VSIG1: variants seen among roughly 807,000 people sequenced by gnomAD.
The protein encoded by VSIG1 is V-set and immunoglobulin domain containing 1.
VSIG1 carries 11 observed loss-of-function variants against 20.1 expected under a neutral mutation model. The observed-to-expected ratio is 0.55, with a 90% CI of 0.34 to 0.91. The LOEUF is 0.91. VSIG1 is among the 40% of genes least tolerant of loss of function. The pLI is 0.02. For synonymous variants in VSIG1, 126 were observed against 116.7 expected, an observed-to-expected ratio of 1.08 and a Z score of -0.52; for missense variants, 283 against 298.8, an observed-to-expected ratio of 0.95 and a Z score of 0.39.
intron 2 of VSIG1, among the ~76,000 whole-genome samples, chrX:108,066,274 G>A (rs1284144626): frequency 9.0e-6 from 1 of 111,705 alleles, no homozygotes; most frequent in Non-Finnish European, 1.9e-5. Context: ...TGGGGAGAAA[G>A]ATGGTAGCTA....
intron 3 of VSIG1, among the ~76,000 whole-genome samples, chrX:108,071,336 G>A (rs2031236594): frequency 9.0e-6 from 1 of 111,384 alleles, no homozygotes. Flanking sequence ...ATATAAGATA[G>A]ATATATAAGG....
intron 1 of VSIG1, among the ~76,000 whole-genome samples, chrX:108,047,925 T>TATATATACACACACAC (rs1569287306): frequency 3.1e-5 from 2 of 64,790 alleles, no homozygotes; most frequent in Non-Finnish European, 5.3e-5. Flanking sequence ...TATACACATA[T>TATATATACACACACAC]ATATATATAC....
chrX:108,029,152 A>G, the VSIG1 span, among the ~76,000 whole-genome samples: 2 of 112,414 alleles, frequency 1.8e-5, no homozygotes, highest in Non-Finnish European at 3.8e-5. Flanking sequence ...CCAACATTTC[A>G]TGGGACATAC....
Position 108,077,289 on chromosome X carries a change from T to G in VSIG1, c.1072T>G (p.Leu358Val). 1 of 1,211,543 alleles carries G rather than the reference T, an allele frequency of 8.3e-7. No homozygotes were observed. Among genetic ancestry groups the G allele is most frequent in the Non-Finnish European group, 1.1e-6 (1 of 895,494 alleles). ...GCTGGAGCCAGAAACGCAGTCGGAA[T>G]TGGAGCCAGAGCCAGAGCCAGAGCC... ...LELEPETQSE[L>V]EPEPEPEPES... Residue 358 changes from leucine (L) to valine (V), a missense_variant, in exon 7 of 7, where the codon TTG becomes GTG. Leu to Val is a conservative substitution (Grantham distance 32). Coordinates refer to ENST00000217957, the MANE Select transcript of VSIG1 (RefSeq NM_182607.5).
chrX:108,058,519 C>T (rs906280362), intron 2 of VSIG1, among the ~76,000 whole-genome samples: 3 of 111,923 alleles, frequency 2.7e-5, no homozygotes, highest in African/African-American at 9.7e-5. Context: ...AGGGCTCCCC[C>T]TCCACCTTTA....
intron 1 of VSIG1, among the ~76,000 whole-genome samples, chrX:108,054,121 C>G (rs2030843983): frequency 9.0e-6 from 1 of 111,640 alleles, no homozygotes; most frequent in Admixed American, 9.5e-5. Context: ...GGAGAAGCTT[C>G]ATTAATATCT....
intron 1 of VSIG1, among the ~76,000 whole-genome samples, chrX:108,047,917 T>TACAC (rs386417380): frequency 2.4e-4 from 13 of 53,835 alleles, no homozygotes; most frequent in Non-Finnish European, 3.7e-4. Flanking sequence ...CATATATATA[T>TACAC]ACACATATAT....
chrX:108,025,153 T>C, the VSIG1 span, among the ~76,000 whole-genome samples: 2 of 112,071 alleles, frequency 1.8e-5, no homozygotes, highest in African/African-American at 6.5e-5. Context: ...TTTATGTTTA[T>C]AATTGTTATA....
intron 1 of VSIG1, among the ~76,000 whole-genome samples, chrX:108,047,895 T>TATATATATACACACAC (rs1569287227): frequency 4.4e-5 from 2 of 45,672 alleles, no homozygotes; most frequent in Non-Finnish European, 6.4e-5. Context: ...TACACACATA[T>TATATATATACACACAC]ATATATATAC....
the VSIG1 span, among the ~76,000 whole-genome samples, chrX:108,023,383 A>G: frequency 2.7e-5 from 3 of 112,018 alleles, no homozygotes; most frequent in African/African-American, 9.7e-5. Context: ...TTTTGTGTCT[A>G]TATTCATAAG....
intron 1 of VSIG1, among the ~76,000 whole-genome samples, chrX:108,055,258 T>C (rs2030871372): frequency 9.0e-6 from 1 of 111,667 alleles, no homozygotes; most frequent in South Asian, 3.7e-4. Context: ...ACTCACCCAA[T>C]ATGAAATGGA....
the VSIG1 span, among the ~76,000 whole-genome samples, chrX:108,031,261 A>G: frequency 1.8e-5 from 2 of 112,352 alleles, no homozygotes; most frequent in Non-Finnish European, 1.9e-5. Flanking sequence ...CAGGGTAGAA[A>G]CAGAGGCAAA....
At chrX:108,073,988 A>G (rs2031303592) in intron 5 of VSIG1, 1 of 111,400 alleles carries the variant, frequency 9.0e-6, no homozygotes, top group East Asian at 2.8e-4. Context: ...TCTAAACCTC[A>G]ATTTTCCTAT....
chrX:108,076,131 C>T lies in VSIG1; in HGVS notation c.743C>T (p.Ala248Val), dbSNP rs1404385732. 4.1e-6 allele frequency: 5 copies of T among 1,209,764 alleles called. No individual in the cohort carries two copies. The highest frequency in any genetic ancestry group is 5.6e-6 in the Non-Finnish European group (5 of 894,989). The change falls in exon 6 of 7, where the codon GCC becomes GTC. Residue 248 changes from alanine (A) to valine (V), a missense_variant. Transcript: ENST00000217957. ...TTGATTGGTAGCCTGGTAGGTGCCG[C>T]CATCATCATCTCTGTTGTGTGCTTC... ...GALIGSLVGAAIIISVVCFAR... is the reference protein window; with the variant it reads ...GALIGSLVGAVIIISVVCFAR...
At chrX:108,061,100 C>A (rs1313334163) in intron 2 of VSIG1, among the ~76,000 whole-genome samples, 1 of 112,607 alleles carries the variant, frequency 8.9e-6, no homozygotes, top group African/African-American at 3.2e-5. Flanking sequence ...GAACTGACAG[C>A]CTGCTCAACC....
chrX:108,047,174 C>T (rs1243067394), intron 1 of VSIG1, among the ~76,000 whole-genome samples: 1 of 111,443 alleles, frequency 9.0e-6, no homozygotes, highest in Non-Finnish European at 1.9e-5. Context: ...GTGCCTAACA[C>T]ATAGTGGATG....
chrX:108,076,251 A>G (rs772188673), intron 6 of VSIG1, 33 bp downstream of exon 6: 38 of 1,190,086 alleles, frequency 3.2e-5, no homozygotes, highest in Non-Finnish European at 4.0e-5. Context: ...TTACTTGAAT[A>G]CAAACATTTC....
At chrX:108,044,063 G>C (rs2030520884), upstream of VSIG1, among the ~76,000 whole-genome samples, 1 of 111,742 alleles carries the variant, frequency 8.9e-6, no homozygotes, top group African/African-American at 3.3e-5. Flanking sequence ...GATGAAGGTG[G>C]AATAAGTCAG....
intron 2 of VSIG1, among the ~76,000 whole-genome samples, chrX:108,059,965 G>T (rs931378431): frequency 9.0e-6 from 1 of 111,553 alleles, no homozygotes; most frequent in African/African-American, 3.3e-5. Flanking sequence ...TCTGACACTG[G>T]GATTTACAAG....
Sources: allele counts gnomAD v4.1 joint callset (sites outside exome capture counted in the v4.1 genomes callset), GRCh38; gene constraint gnomAD v4.1.1; transcripts MANE v1.5; gene names NCBI Gene and HGNC (gene_info 2026-07-23, HGNC 2026-07-21).